The following TFDP2 variants were observed in gnomAD, a reference collection of about 807,000 sequenced individuals.
TFDP2 encodes the protein transcription factor Dp-2, also known as transcription factor Dp-2 (E2F dimerization partner 2).
In TFDP2, 17 loss-of-function variants were observed where a neutral mutation model predicts 59.3. That is an observed-to-expected ratio of 0.29 (90% CI 0.20 to 0.43). The LOEUF is 0.43. Ranked by LOEUF, TFDP2 falls within the 20% of genes least tolerant of loss-of-function variation. The pLI is 1.00. For missense variants in TFDP2, 391 were observed against 528.8 expected (o/e 0.74, Z 2.56); for synonymous variants, 180 against 194.7 (o/e 0.92, Z 0.63).
intron 3 of TFDP2, among the ~76,000 whole-genome samples, chr3:142,085,535 T>G (rs2108596028): frequency 6.6e-6 from 1 of 152,288 alleles, no homozygotes; most frequent in Middle Eastern, 3.4e-3. Flanking sequence ...CTTGTGTATT[T>G]GAACTAGATT....
intron 1 of TFDP2, among the ~76,000 whole-genome samples, chr3:142,115,489 T>C (rs1326355500): frequency 6.6e-6 from 1 of 152,120 alleles, no homozygotes; most frequent in Non-Finnish European, 1.5e-5. Flanking sequence ...TGGCTAATTT[T>C]TTGTATTTTT....
At chr3:141,962,690 T>C (rs182331671) in intron 10 of TFDP2, among the ~76,000 whole-genome samples, 1 of 152,136 alleles carries the variant, frequency 6.6e-6, no homozygotes, top group African/African-American at 2.4e-5. Context: ...GCCTTCTTAG[T>C]GGAGTGGCCC....
intron 3 of TFDP2, among the ~76,000 whole-genome samples, chr3:142,088,884 A>G (rs564080170): frequency 4.2e-4 from 64 of 151,556 alleles, no homozygotes; most frequent in Non-Finnish European, 7.7e-4. Flanking sequence ...CTGGAGTGCA[A>G]TGACGTGATC....
intron 3 of TFDP2, among the ~76,000 whole-genome samples, chr3:142,006,493 G>A (rs1397238705): frequency 7.0e-6 from 1 of 143,036 alleles, no homozygotes; most frequent in Admixed American, 7.0e-5. Context: ...TTTGAGATGG[G>A]GGTCTCGCTC....
intron 2 of TFDP2, 101 bp from the exon 3 acceptor site, chr3:142,093,228 T>C (rs2061055739): frequency 1.6e-6 from 1 of 633,678 alleles, no homozygotes; most frequent in Non-Finnish European, 2.6e-6. Flanking sequence ...ATATCAAATA[T>C]ATATAGCCAC....
chr3:142,072,610 T>C (rs1560112730), intron 3 of TFDP2, among the ~76,000 whole-genome samples: 1 of 152,194 alleles, frequency 6.6e-6, no homozygotes, highest in Non-Finnish European at 1.5e-5. Flanking sequence ...CTGGGGGATC[T>C]TGCAGTGCCA....
chr3:142,108,261 C>A (rs185805277), intron 1 of TFDP2, among the ~76,000 whole-genome samples: 1 of 151,604 alleles, frequency 6.6e-6, no homozygotes, highest in East Asian at 1.9e-4. Context: ...CCAGGCTGGA[C>A]TGCAGTGGCG....
At chr3:142,049,250 A>G (rs1947493729) in intron 3 of TFDP2, among the ~76,000 whole-genome samples, 2 of 152,242 alleles carry the variant, frequency 1.3e-5, no homozygotes, top group African/African-American at 4.8e-5. Context: ...GAATTCTAGA[A>G]TATATAAAAA....
chr3:142,130,951 G>A (rs978763960), intron 1 of TFDP2, among the ~76,000 whole-genome samples: 1 of 142,140 alleles, frequency 7.0e-6, no homozygotes, highest in Non-Finnish European at 1.5e-5. Flanking sequence ...TACTCGGGAG[G>A]CTGAGGCAGG....
intron 6 of TFDP2, among the ~76,000 whole-genome samples, chr3:141,982,793 C>T (rs1272865777): frequency 2.0e-5 from 3 of 152,104 alleles, no homozygotes; most frequent in Non-Finnish European, 4.4e-5. Flanking sequence ...TAGATACAAG[C>T]CTACATGTAA....
chr3:141,974,907 C>CTTCTTCT (rs1553762313), intron 7 of TFDP2, among the ~76,000 whole-genome samples: 1 of 90,500 alleles, frequency 1.1e-5, no homozygotes, highest in Non-Finnish European at 2.1e-5. Flanking sequence ...TCTTCTTCTT[C>CTTCTTCT]TTTTTTTTTT....
At chr3:142,093,791 C>T (rs2061075867) in intron 2 of TFDP2, among the ~76,000 whole-genome samples, 1 of 152,290 alleles carries the variant, frequency 6.6e-6, no homozygotes, top group East Asian at 1.9e-4. Context: ...ATCAAGCCTA[C>T]TAGGGGTTTG....
intron 4 of TFDP2, among the ~76,000 whole-genome samples, chr3:142,002,779 C>T (rs964888790): frequency 4.6e-5 from 7 of 152,106 alleles, no homozygotes; most frequent in African/African-American, 1.7e-4. Context: ...ATGGCCACAC[C>T]CCAGTTCTTG....
At position 142,050,087 on chromosome 3, in the gene TFDP2, T is replaced by A. The variant is rs1392506273; in HGVS notation, c.82+42974A>T. On this transcript the variant is annotated intron_variant, in intron 3 of 12. Coordinates refer to ENST00000489671, the MANE Select transcript of TFDP2 (RefSeq NM_001178139.2). ...AGGAGTTCGAGCCTGGCCAACATGG[T>A]AAAACCCCATCTCTACTAAAAATAC... 2.0e-5 allele frequency among the ~76,000 whole-genome samples: 3 copies of A among 151,558 alleles called. No homozygotes were observed. In the East Asian group the frequency reaches 5.9e-4, roughly 30 times the overall value.
chr3:141,982,294 G>C (rs1941574336), intron 6 of TFDP2, among the ~76,000 whole-genome samples: 1 of 152,094 alleles, frequency 6.6e-6, no homozygotes, highest in African/African-American at 2.4e-5. Context: ...AAATAATGTT[G>C]TGTATGGGAT....
At chr3:142,131,929 C>G (rs1030316385) in intron 1 of TFDP2, among the ~76,000 whole-genome samples, 1 of 147,060 alleles carries the variant, frequency 6.8e-6, no homozygotes, top group Non-Finnish European at 1.5e-5. Context: ...TCACTTGAAC[C>G]CGGGAGGCAG....
At chr3:142,080,980 A>G (rs1326352751) in intron 3 of TFDP2, among the ~76,000 whole-genome samples, 5 of 152,216 alleles carry the variant, frequency 3.3e-5, no homozygotes, top group East Asian at 1.9e-4. Context: ...CTATAGACCA[A>G]TTGGACCTAA....
chr3:142,062,958 A>G (rs1057324220), intron 3 of TFDP2, among the ~76,000 whole-genome samples: 1 of 152,226 alleles, frequency 6.6e-6, no homozygotes, highest in African/African-American at 2.4e-5. Flanking sequence ...AGAAGTCATG[A>G]TAGCAGTTAT....
At chr3:142,102,857 T>C (rs1157857328) in intron 1 of TFDP2, among the ~76,000 whole-genome samples, 1 of 152,200 alleles carries the variant, frequency 6.6e-6, no homozygotes. Flanking sequence ...TTGAGAGGCA[T>C]TCTACAAAAT....
Sources: gnomAD v4.1 joint callset for allele counts (sites outside exome capture counted in the v4.1 genomes callset) on GRCh38, gnomAD v4.1.1 for gene constraint, MANE v1.5 for transcripts, NCBI Gene and HGNC (gene_info 2026-07-23, HGNC 2026-07-21) for gene names.